IQGAP2: variants seen among roughly 807,000 people sequenced by gnomAD.
IQGAP2 encodes ras GTPase-activating-like protein IQGAP2.
Under a neutral mutation model 201.3 loss-of-function variants are expected in IQGAP2, and 173 were observed. That is an observed-to-expected ratio of 0.86 (90% confidence interval 0.76 to 0.98). The LOEUF is 0.98. IQGAP2 is among the 50% of genes least tolerant of loss of function. IQGAP2 has a pLI of 0.00. For missense variants in IQGAP2, 1,687 were observed against 1,864.8 expected, an observed-to-expected ratio of 0.90 and a Z score of 1.76; for synonymous variants, 675 against 673.9, an observed-to-expected ratio of 1.00 and a Z score of -0.03.
At chr5:76,443,706 C>T (rs1753191635) in intron 1 of IQGAP2, among the ~76,000 whole-genome samples, 1 of 152,092 alleles carries the variant, frequency 6.6e-6, no homozygotes, top group African/African-American at 2.4e-5. Context: ...AGTAAATTAA[C>T]AATGGCAGCT....
At chr5:76,606,966 G>A (rs1223939661) in intron 12 of IQGAP2, 1 of 152,204 alleles carries the variant, frequency 6.6e-6, no homozygotes, top group African/African-American at 2.4e-5. Flanking sequence ...TTCGAGCTGT[G>A]TTTTCCACCA....
At chr5:76,465,857 A>T (rs891226663) in intron 2 of IQGAP2, among the ~76,000 whole-genome samples, 46 of 152,352 alleles carry the variant, frequency 3.0e-4, no homozygotes, top group African/African-American at 9.9e-4. Flanking sequence ...GAACACTGAA[A>T]ACTACAACAC....
At chr5:76,448,126 C>T (rs139326220) in intron 1 of IQGAP2, among the ~76,000 whole-genome samples, 9 of 152,274 alleles carry the variant, frequency 5.9e-5, no homozygotes, top group Non-Finnish European at 1.3e-4. Flanking sequence ...CATGGCTGTG[C>T]TCGCCATGTG....
intron 1 of IQGAP2, among the ~76,000 whole-genome samples, chr5:76,446,195 G>A (rs1753384069): frequency 2.0e-5 from 3 of 152,164 alleles, no homozygotes; most frequent in Admixed American, 2.0e-4. Flanking sequence ...TATTTTGGGT[G>A]TATACCCAGA....
At chr5:76,610,072 CTCTCTATATATATATATATATA>C (rs1413243852) in intron 12 of IQGAP2, among the ~76,000 whole-genome samples, 16 of 4,176 alleles carry the variant, frequency 3.8e-3, no homozygotes, top group African/African-American at 0.01. Flanking sequence ...CTCTCTCTCT[CTCTCTATATATATATATATATA>C]TATATATATA....
In IQGAP2 at chr5:76,637,025, T is replaced by C. The variant is rs1751186833; in HGVS notation, c.1781-9T>C. Reference sequence around the variant, plus strand: ...GTCTGTGTAGAATTTAACAAACTTTTTTCTTTAGTGTCTAGTGACGGTTCA... The same window carrying C: ...GTCTGTGTAGAATTTAACAAACTTTCTTCTTTAGTGTCTAGTGACGGTTCA... On this transcript the variant is annotated splice_polypyrimidine_tract_variant and intron_variant, in intron 15 of 35. Coordinates refer to ENST00000274364, the MANE Select transcript of IQGAP2 (RefSeq NM_006633.5). 6.3e-7 allele frequency: 1 copy of C among 1,588,050 alleles called. No individual in the cohort carries two copies. Among genetic ancestry groups the C allele is most frequent in the African/African-American group, 1.4e-5 (1 of 73,400 alleles).
chr5:76,657,518 G>A (rs1392482372), intron 20 of IQGAP2, among the ~76,000 whole-genome samples: 1 of 152,202 alleles, frequency 6.6e-6, no homozygotes, highest in Non-Finnish European at 1.5e-5. Flanking sequence ...ACAGAACTAA[G>A]GTGGAAGTAA....
chr5:76,574,394 C>T (rs1291841530), intron 4 of IQGAP2, among the ~76,000 whole-genome samples: 1 of 152,190 alleles, frequency 6.6e-6, no homozygotes, highest in Non-Finnish European at 1.5e-5. Flanking sequence ...ACCTCCACTT[C>T]CTGGGTTCAA....
chr5:76,403,658 G>C lies in IQGAP2; in HGVS notation c.46+67G>C, dbSNP rs985279089. The C allele has an allele frequency of 3.0e-6, 4 of 1,329,464 alleles. No individual in the cohort carries two copies. In the East Asian group the frequency reaches 9.0e-5, roughly 30 times the overall value. The allele number at this position is 1,329,464 out of a possible 1,614,324, so 82.4% of individuals were successfully genotyped here. On this transcript the variant is annotated intron_variant, in intron 1 of 35. Coordinates refer to ENST00000274364, the MANE Select transcript of IQGAP2 (RefSeq NM_006633.5). The surrounding 1 kb of genome is among the most constrained non-coding windows in gnomAD (Gnocchi z 4.8). ...AGCTCCCTCCCCGAGGACGGCGTTGGAGAAGCCGAGGGAGCCGGTTGCGCG... is the reference window on the plus strand; with the variant it reads ...AGCTCCCTCCCCGAGGACGGCGTTGCAGAAGCCGAGGGAGCCGGTTGCGCG...
At chr5:76,533,906 C>G (rs989151133) in intron 2 of IQGAP2, among the ~76,000 whole-genome samples, 18 of 152,112 alleles carry the variant, frequency 1.2e-4, no homozygotes, top group African/African-American at 4.1e-4. Flanking sequence ...GAATACGAAC[C>G]CTTTGTTACA....
At chr5:76,468,125 A>G (rs1754885568) in intron 2 of IQGAP2, among the ~76,000 whole-genome samples, 1 of 152,232 alleles carries the variant, frequency 6.6e-6, no homozygotes. Flanking sequence ...GTATCTCAAT[A>G]AAGCTATTTA....
At chr5:76,450,719 A>G in intron 1 of IQGAP2, among the ~76,000 whole-genome samples, 1 of 152,186 alleles carries the variant, frequency 6.6e-6, no homozygotes, top group Non-Finnish European at 1.5e-5. Context: ...GTCTCCTTAC[A>G]AACCCTAAAT....
intron 30 of IQGAP2, among the ~76,000 whole-genome samples, chr5:76,689,940 A>G (rs114481181): frequency 6.6e-6 from 1 of 152,336 alleles, no homozygotes; most frequent in Non-Finnish European, 1.5e-5. Context: ...ACACCAGCTT[A>G]CAAGCGCCGT....
chr5:76,474,626 CT>C (rs1284965756), intron 2 of IQGAP2, among the ~76,000 whole-genome samples: 2 of 152,136 alleles, frequency 1.3e-5, no homozygotes, highest in Non-Finnish European at 2.9e-5. Flanking sequence ...TTTCCTGCCC[CT>C]GGTATTTCTC....
At chr5:76,623,936 CTTTTTTT>C (rs368076875) in intron 13 of IQGAP2, among the ~76,000 whole-genome samples, 2 of 100,782 alleles carry the variant, frequency 2.0e-5, no homozygotes, top group Non-Finnish European at 3.8e-5. Flanking sequence ...TTTGTTCAGG[CTTTTTTT>C]TTTTTTTTTG....
intron 1 of IQGAP2, among the ~76,000 whole-genome samples, chr5:76,451,025 A>G (rs1282391570): frequency 6.6e-6 from 1 of 152,176 alleles, no homozygotes; most frequent in African/African-American, 2.4e-5. Context: ...TGTGTCTGTT[A>G]TATTAAACTT....
intron 12 of IQGAP2, among the ~76,000 whole-genome samples, chr5:76,610,295 A>G (rs1015232407): frequency 2.7e-5 from 4 of 149,414 alleles, no homozygotes; most frequent in African/African-American, 7.4e-5. Context: ...CATTTCTTTA[A>G]AGATGATGTA....
chr5:76,648,909 A>G (rs559473541), intron 17 of IQGAP2, among the ~76,000 whole-genome samples: 13 of 152,340 alleles, frequency 8.5e-5, no homozygotes, highest in African/African-American at 2.9e-4. Flanking sequence ...CTCAGGGATC[A>G]GTGGGATTAT....
At chr5:76,664,020 T>C (rs1743510940) in intron 21 of IQGAP2, among the ~76,000 whole-genome samples, 1 of 152,252 alleles carries the variant, frequency 6.6e-6, no homozygotes, top group Non-Finnish European at 1.5e-5. Context: ...TAATCATTCA[T>C]GTGTTCACTG....
Sources: allele counts gnomAD v4.1 joint callset (sites outside exome capture counted in the v4.1 genomes callset), GRCh38; gene constraint gnomAD v4.1.1; non-coding constraint Gnocchi (gnomAD v3.1); transcripts MANE v1.5; gene names NCBI Gene and HGNC (gene_info 2026-07-23, HGNC 2026-07-21).